The following RNF216 variants were observed in gnomAD, a reference collection of about 807,000 sequenced individuals.
The protein encoded by RNF216 is E3 ubiquitin-protein ligase RNF216.
Under a neutral mutation model 110.8 loss-of-function variants are expected in RNF216, and 72 were observed. The observed-to-expected ratio is 0.65, with a 90% CI of 0.54 to 0.79. RNF216 has a LOEUF of 0.79. Among genes scored for constraint, RNF216 ranks in the 30% least tolerant of loss-of-function variants. RNF216 has a pLI of 0.00. For synonymous variants in RNF216, 495 were observed against 407.5 expected, an observed-to-expected ratio of 1.21 and a Z score of -2.59; for missense variants, 1,342 against 1,141.2, an observed-to-expected ratio of 1.18 and a Z score of -2.54.
At chr7:5,660,943 G>GTTTTTTTTTGTTTTTTTT (rs1470327757) in intron 13 of RNF216, among the ~76,000 whole-genome samples, 1 of 90,150 alleles carries the variant, frequency 1.1e-5, no homozygotes, top group African/African-American at 5.5e-5. Context: ...GAAGCCTTAG[G>GTTTTTTTTTGTTTTTTTT]TTTTTTTTTT....
In RNF216 at chr7:5,741,769, G is replaced by A; in HGVS notation, c.248C>T (p.Ala83Val). ...CAACCTTTTCAGATCTTGCCACTGG[G>A]CAGCTGGTTTGATGAGATTGGGTCG... ...RSRPNLIKPA[A>V]QWQDLKRLGE... Residue 83 changes from alanine to valine, a missense_variant, in exon 4 of 17, where the codon GCC becomes GTC. By Grantham distance (64) the Ala-to-Val change is moderately conservative. Coordinates refer to ENST00000389902, the MANE Select transcript of RNF216 (RefSeq NM_207111.4). The A allele has an allele frequency of 6.2e-7, 1 of 1,614,074 alleles. No individual in the cohort carries two copies. The highest frequency in any genetic ancestry group is 8.5e-7 in the Non-Finnish European group (1 of 1,180,018).
intron 10 of RNF216, among the ~76,000 whole-genome samples, chr7:5,716,177 C>A (rs1055592444): frequency 3.3e-5 from 5 of 152,264 alleles, no homozygotes; most frequent in Admixed American, 2.0e-4. Flanking sequence ...CAGGCACGAG[C>A]CACGGTGCCC....
intron 8 of RNF216, among the ~76,000 whole-genome samples, chr7:5,724,047 G>T (rs1005430462): frequency 7.2e-5 from 11 of 152,208 alleles, no homozygotes; most frequent in African/African-American, 2.7e-4. Context: ...CAAATGAAAT[G>T]AAGTTAATGG....
Position 5,760,433 on chromosome 7 carries a change from T to C in RNF216, c.67+570A>G, listed in dbSNP as rs1197875982. The C allele has an allele frequency of 1.6e-5, 6 of 383,966 alleles. No homozygotes were observed. In the East Asian group the frequency reaches 4.9e-4, roughly 32 times the overall value. The allele number at this position is 383,966 out of a possible 1,614,324, so 23.8% of individuals were successfully genotyped here. ...CAGGAGGCTCAGACCGGAGAATCAT[T>C]TGAACCCAGGAGGCGGAGCTCGTGG... On this transcript the variant is annotated intron_variant, in intron 2 of 16. Coordinates refer to ENST00000389902, the MANE Select transcript of RNF216 (RefSeq NM_207111.4).
chr7:5,744,947 G>A (rs1283061526), intron 3 of RNF216, among the ~76,000 whole-genome samples: 1 of 151,708 alleles, frequency 6.6e-6, no homozygotes, highest in Non-Finnish European at 1.5e-5. Context: ...ACTCCAGCCT[G>A]GGTGACAGAG....
At chr7:5,764,523 C>T (rs141695228) in intron 1 of RNF216, among the ~76,000 whole-genome samples, 1 of 152,088 alleles carries the variant, frequency 6.6e-6, no homozygotes, top group African/African-American at 2.4e-5. Flanking sequence ...TGGCATGCAC[C>T]TGTAATCCCA....
intron 13 of RNF216, among the ~76,000 whole-genome samples, chr7:5,656,609 G>T (rs1009601482): frequency 6.6e-6 from 1 of 152,134 alleles, no homozygotes; most frequent in Admixed American, 6.5e-5. Flanking sequence ...CAAGTAGCCC[G>T]CCAGGCCACG....
intron 2 of RNF216, among the ~76,000 whole-genome samples, chr7:5,754,014 T>G (rs923302712): frequency 5.9e-5 from 9 of 151,778 alleles, no homozygotes; most frequent in African/African-American, 1.9e-4. Flanking sequence ...AAAAAATGCA[T>G]TAAGTGACCT....
chr7:5,655,350 C>G (rs1788669973), intron 13 of RNF216, among the ~76,000 whole-genome samples: 1 of 152,194 alleles, frequency 6.6e-6, no homozygotes, highest in Non-Finnish European at 1.5e-5. Context: ...AAGACTGTAG[C>G]ACTTTGGGAG....
intron 13 of RNF216, among the ~76,000 whole-genome samples, chr7:5,686,482 C>G (rs1790994792): frequency 6.6e-6 from 1 of 152,186 alleles, no homozygotes; most frequent in Non-Finnish European, 1.5e-5. Flanking sequence ...TGAATGTTAT[C>G]TGTTCTCTGG....
At chr7:5,639,754 C>T (rs1435802638) in intron 15 of RNF216, among the ~76,000 whole-genome samples, 2 of 151,254 alleles carry the variant, frequency 1.3e-5, no homozygotes, top group Non-Finnish European at 2.9e-5. Context: ...GACACCGTGC[C>T]TAGCCTTAAT....
chr7:5,651,792 G>A (rs905526148), intron 14 of RNF216, among the ~76,000 whole-genome samples: 18 of 152,096 alleles, frequency 1.2e-4, no homozygotes, highest in Admixed American at 1.3e-4. Context: ...GGGATTACAG[G>A]CAAGCGCCAC....
chr7:5,690,546 C>T (rs1198515278), intron 13 of RNF216, among the ~76,000 whole-genome samples: 2 of 152,150 alleles, frequency 1.3e-5, no homozygotes, highest in Non-Finnish European at 2.9e-5. Context: ...GGAGGCGCCA[C>T]CTTCACCTCC....
rs559821683 is a variant in RNF216 at position 5,719,828 on chromosome 7, G to A, written c.1644+1205C>T. The stretch of plus-strand genomic sequence containing the variant: ...TTTTTCCAAGTAAAAAGTGGCCAAT[G>A]CAGCTGCTTTGTGGCTCAGTTGCAT... On this transcript the variant is annotated intron_variant, in intron 9 of 16. Transcript: ENST00000389902. 5.3e-5 allele frequency among the ~76,000 whole-genome samples: 8 copies of A among 152,300 alleles called. 1 individual carries two copies. The South Asian group carries it at 1.7e-3, about 32-fold the overall frequency.
At chr7:5,656,430 T>C (rs1270015945) in intron 13 of RNF216, among the ~76,000 whole-genome samples, 1 of 152,192 alleles carries the variant, frequency 6.6e-6, no homozygotes, top group East Asian at 1.9e-4. Context: ...CCTCAAAACA[T>C]GAAGAACAGG....
intron 15 of RNF216, among the ~76,000 whole-genome samples, chr7:5,634,837 G>C (rs1233934822): frequency 2.0e-5 from 3 of 152,236 alleles, no homozygotes; most frequent in Non-Finnish European, 4.4e-5. Flanking sequence ...TGCCCTGCTT[G>C]GGAAAGCCCT....
At chr7:5,714,145 C>A (rs1244894393) in intron 11 of RNF216, among the ~76,000 whole-genome samples, 1 of 152,072 alleles carries the variant, frequency 6.6e-6, no homozygotes, top group Admixed American at 6.6e-5. Context: ...GTATTTTTAG[C>A]AGAGATGGGG....
intron 2 of RNF216, among the ~76,000 whole-genome samples, chr7:5,755,761 T>C (rs957571579): frequency 2.6e-5 from 4 of 152,216 alleles, no homozygotes; most frequent in Non-Finnish European, 4.4e-5. Flanking sequence ...GTGAACATTC[T>C]TGTGCAAGTC....
chr7:5,661,927 G>T (rs978220720), intron 13 of RNF216, among the ~76,000 whole-genome samples: 3 of 152,234 alleles, frequency 2.0e-5, no homozygotes, highest in Non-Finnish European at 4.4e-5. Flanking sequence ...TCTTACTCTA[G>T]TCCCACTGTG....
Sources: allele counts gnomAD v4.1 joint callset (sites outside exome capture counted in the v4.1 genomes callset), GRCh38; gene constraint gnomAD v4.1.1; transcripts MANE v1.5; gene names NCBI Gene and HGNC (gene_info 2026-07-23, HGNC 2026-07-21).